Variants in CNOT2 observed in about 807,000 individuals in gnomAD.
CNOT2 encodes the protein CCR4-NOT transcription complex subunit 2.
CNOT2 carries 7 observed loss-of-function variants against 72.1 expected under a neutral mutation model. The ratio of observed to expected loss-of-function variants is 0.10; its 90% CI spans 0.06 to 0.18. The LOEUF (loss-of-function observed/expected upper bound fraction) is 0.18, where lower values mean the gene tolerates loss of function less well. Ranked by LOEUF, CNOT2 falls within the 10% of genes least tolerant of loss-of-function variation. The probability of loss-of-function intolerance (pLI) is 1.00; values close to 1 mark genes in which losing one functional copy is unlikely to be tolerated. For synonymous variants in CNOT2, 196 were observed against 225.6 expected (o/e 0.87, Z 1.17); for missense variants, 345 against 660.3 (o/e 0.52, Z 5.23).
chr12:70,347,978 C>T (rs2136085831), intron 15 of CNOT2: 1 of 152,258 alleles, frequency 6.6e-6, no homozygotes, highest in East Asian at 1.9e-4. Flanking sequence ...ACTCCTATTG[C>T]TGTTATTTAT....
At chr12:70,260,853 A>ATTTTTTTTTTTTTTTTTTCTTTTTTTTTT (rs55908570) in intron 1 of CNOT2, among the ~76,000 whole-genome samples, 1 of 135,722 alleles carries the variant, frequency 7.4e-6, no homozygotes, top group Admixed American at 7.3e-5. Flanking sequence ...GATGCATTCT[A>ATTTTTTTTTTTTTTTTTTCTTTTTTTTTT]TTTTTTTTTT....
chr12:70,286,940 TAA>T (rs1175587317), intron 2 of CNOT2, among the ~76,000 whole-genome samples: 4 of 151,940 alleles, frequency 2.6e-5, no homozygotes, highest in Admixed American at 1.3e-4. Context: ...GGTTGTAAAT[TAA>T]AAAAAAATTT....
At chr12:70,262,346 T>C (rs991412159) in intron 1 of CNOT2, among the ~76,000 whole-genome samples, 1 of 152,152 alleles carries the variant, frequency 6.6e-6, no homozygotes, top group Admixed American at 6.5e-5. Context: ...CAATCTCGGC[T>C]CACTGCAAGC....
chr12:70,328,331 C>T (rs1879401660), intron 4 of CNOT2, among the ~76,000 whole-genome samples: 1 of 151,866 alleles, frequency 6.6e-6, no homozygotes, highest in Admixed American at 6.6e-5. Flanking sequence ...CCTTAAATCC[C>T]TAGCACTGAA....
chr12:70,306,598 TA>T (rs59922447), intron 2 of CNOT2, among the ~76,000 whole-genome samples: 28,479 of 151,924 alleles, frequency 0.19, 3,083 homozygotes, highest in Admixed American at 0.33. Flanking sequence ...TCTTTCCTGG[TA>T]AAAAAAAATC....
At chr12:70,284,320 C>G (rs981353005) in intron 2 of CNOT2, among the ~76,000 whole-genome samples, 5 of 151,950 alleles carry the variant, frequency 3.3e-5, no homozygotes, top group African/African-American at 1.2e-4. Flanking sequence ...TCTCCGCTCA[C>G]TGCAACCTCT....
chr12:70,288,918 A>G (rs949479499), intron 2 of CNOT2, among the ~76,000 whole-genome samples: 1 of 152,062 alleles, frequency 6.6e-6, no homozygotes, highest in Non-Finnish European at 1.5e-5. Flanking sequence ...GCGTTTTATT[A>G]TCATTCATAA....
At chr12:70,315,440 C>A (rs1877169165) in intron 3 of CNOT2, among the ~76,000 whole-genome samples, 3 of 151,812 alleles carry the variant, frequency 2.0e-5, no homozygotes, top group Admixed American at 2.0e-4. Flanking sequence ...TATATTATCA[C>A]CATAATTTTG....
chr12:70,246,628 T>A (rs372940663), intron 1 of CNOT2, among the ~76,000 whole-genome samples: 1 of 152,212 alleles, frequency 6.6e-6, no homozygotes, highest in South Asian at 2.1e-4. Flanking sequence ...CACTGTGACT[T>A]ATATCAGATA....
intron 15 of CNOT2, 49 bp from the exon 16 acceptor site, chr12:70,353,780 G>T (rs1364917661): frequency 2.7e-5 from 43 of 1,593,618 alleles, no homozygotes; most frequent in Non-Finnish European, 3.7e-5. Context: ...TTTGACAAAT[G>T]TAAAATGAAA....
intron 1 of CNOT2, among the ~76,000 whole-genome samples, chr12:70,268,429 G>C (rs1023822213): frequency 6.6e-6 from 1 of 152,002 alleles, no homozygotes; most frequent in African/African-American, 2.4e-5. Context: ...CTTATCAAAG[G>C]ATCAGAAGAA....
chr12:70,250,404 A>G (rs11178157), intron 1 of CNOT2, among the ~76,000 whole-genome samples: 28 of 152,046 alleles, frequency 1.8e-4, no homozygotes, highest in African/African-American at 6.3e-4. Flanking sequence ...ATATGTTAGC[A>G]CTCTAGATGT....
At chr12:70,268,382 T>C (rs1959148249) in intron 1 of CNOT2, among the ~76,000 whole-genome samples, 1 of 152,168 alleles carries the variant, frequency 6.6e-6, no homozygotes, top group African/African-American at 2.4e-5. Context: ...CCACTGCCAT[T>C]CTTGATATTT....
chr12:70,252,198 C>CT (rs1194405792), intron 1 of CNOT2, among the ~76,000 whole-genome samples: 1 of 151,890 alleles, frequency 6.6e-6, no homozygotes, highest in Admixed American at 6.6e-5. Context: ...TTATTTATTT[C>CT]TTTTTTTGAG....
chr12:70,309,401 G>T (rs1876063699), intron 2 of CNOT2, among the ~76,000 whole-genome samples: 1 of 152,142 alleles, frequency 6.6e-6, no homozygotes, highest in Admixed American at 6.5e-5. Flanking sequence ...AGGAAAGACA[G>T]TCAAATAATT....
intron 1 of CNOT2, among the ~76,000 whole-genome samples, chr12:70,270,998 C>T (rs1311894879): frequency 6.6e-6 from 1 of 152,164 alleles, no homozygotes; most frequent in Non-Finnish European, 1.5e-5. Flanking sequence ...GTTCAATTGA[C>T]TAAACAGTAT....
chr12:70,287,104 A>ATTGTCACCAGTTTTGAAG (rs1280824607), intron 2 of CNOT2, among the ~76,000 whole-genome samples: 15 of 151,952 alleles, frequency 9.9e-5, no homozygotes, highest in Non-Finnish European at 1.8e-4. Context: ...CAGTTTTGAA[A>ATTGTCACCAGTTTTGAAG]TTGTCACCAG....
At chr12:70,250,300 C>T (rs1958078358) in intron 1 of CNOT2, among the ~76,000 whole-genome samples, 1 of 152,120 alleles carries the variant, frequency 6.6e-6, no homozygotes. Context: ...TTTTTCTATT[C>T]CCTGCACATG....
rs761578487 is a variant in CNOT2, at chr12:70,338,466, A to G, written c.924A>G (p.Thr308=). 1.2e-6 allele frequency: 2 copies of G among 1,609,488 alleles called. No individual in the cohort carries two copies. The highest frequency in any genetic ancestry group is 2.2e-5 in the South Asian group (2 of 90,250). The change falls in exon 10 of 16, where the codon ACA becomes ACG. Residue 308 remains threonine, a synonymous_variant. Transcript: ENST00000229195. ...SKSNLNTSGK[T]TSSTDGPKFP... ...AGAATTTGAATACATCTGGCAAGAC[A>G]ACTTCAAGTACAGATGGACCCAAAT... is the stretch of plus-strand genomic sequence containing the variant.
Sources: gnomAD v4.1 joint callset for allele counts (sites outside exome capture counted in the v4.1 genomes callset) on GRCh38, gnomAD v4.1.1 for gene constraint, MANE v1.5 for transcripts, NCBI Gene and HGNC (gene_info 2026-07-23, HGNC 2026-07-21) for gene names.